Variants in POLR1A observed in about 807,000 individuals in gnomAD.
The protein encoded by POLR1A is DNA-directed RNA polymerase I subunit RPA1.
POLR1A carries 84 observed loss-of-function variants against 205.3 expected under a neutral mutation model. The observed-to-expected ratio is 0.41, with a 90% CI of 0.34 to 0.49. The LOEUF (loss-of-function observed/expected upper bound fraction) is 0.49, where lower values mean the gene tolerates loss of function less well. POLR1A is among the 20% of genes least tolerant of loss of function. The pLI, the probability that POLR1A is intolerant of heterozygous loss-of-function variation, is 0.22. For synonymous variants in POLR1A, 799 were observed against 863.7 expected (o/e 0.93, Z 1.31); for missense variants, 1,645 against 2,204.5 (o/e 0.75, Z 5.08).
intron 6 of POLR1A, among the ~76,000 whole-genome samples, chr2:86,087,144 C>T (rs1012600929): frequency 3.3e-5 from 5 of 152,168 alleles, no homozygotes; most frequent in African/African-American, 9.7e-5. Flanking sequence ...CTATGTTATA[C>T]AGTAGGGCAA....
intron 14 of POLR1A, 68 bp from the exon 15 acceptor site, chr2:86,054,357 G>A: frequency 6.5e-7 from 1 of 1,542,852 alleles, no homozygotes; most frequent in Non-Finnish European, 8.9e-7. Context: ...ACAAACTGAT[G>A]GCAAAAAGAA....
chr2:86,045,178 C>T (rs953883652), intron 21 of POLR1A, 100 bp downstream of exon 21: 111 of 811,476 alleles, frequency 1.4e-4, no homozygotes, highest in Non-Finnish European at 2.1e-4. Flanking sequence ...AAAGTTTTTT[C>T]ATCCAAGGAA....
At chr2:86,065,587 C>T (rs554777096) in intron 13 of POLR1A, 122 bp from the exon 14 acceptor site, 3 of 768,832 alleles carry the variant, frequency 3.9e-6, no homozygotes, top group South Asian at 3.6e-5. Flanking sequence ...CCTGTCTTGT[C>T]TTGCCCACAT....
chr2:86,024,716 C>T lies in POLR1A; in HGVS notation c.*2707G>A, dbSNP rs1226887028. On this transcript the variant is annotated 3_prime_UTR_variant, in exon 34 of 34. Transcript: ENST00000263857. ...ACCAGCCTGAGCAATAAACCAAAAC[C>T]CGTCTCTACAAAACAAATAAAAAAA... 2.0e-5 allele frequency: 3 copies of T among 152,162 alleles called. No individual in the cohort carries two copies. The highest frequency in any genetic ancestry group is 4.8e-5 in the African/African-American group (2 of 41,424). 9.4% of individuals were successfully genotyped at this position (152,162 alleles called of 1,614,324 possible).
At position 86,100,170 on chromosome 2, in the gene POLR1A, T is replaced by C; in HGVS notation, c.80A>G (p.Lys27Arg). 1 of 1,612,290 alleles carries C rather than the reference T, an allele frequency of 6.2e-7. No individual in the cohort carries two copies. Among genetic ancestry groups the C allele is most frequent in the Non-Finnish European group, 8.5e-7 (1 of 1,178,302 alleles). Residue 27 changes from lysine (K) to arginine (R), a missense_variant and splice_region_variant, in exon 2 of 34, where the codon AAA becomes AGA. Lys to Arg is a conservative substitution (Grantham distance 26). Transcript: ENST00000263857. ...GTTCGTAATGGATTTAACACTTAAT[T>C]TCCTAAGGGGATAAAAAAGACCAAG... Reference protein sequence around the residue: ...FGMYSAEELKKLSVKSITNPR... With the variant: ...FGMYSAEELKRLSVKSITNPR...
intron 21 of POLR1A, 29 bp downstream of exon 21, chr2:86,045,249 C>T (rs1219373945): frequency 3.4e-6 from 5 of 1,477,650 alleles, no homozygotes; most frequent in Admixed American, 1.7e-5. Context: ...TGGCACTCTA[C>T]CTCAAGGGGC....
chr2:86,079,007 G>A (rs1460784024), intron 9 of POLR1A, among the ~76,000 whole-genome samples: 1 of 152,206 alleles, frequency 6.6e-6, no homozygotes, highest in Non-Finnish European at 1.5e-5. Flanking sequence ...CCAATCGACT[G>A]GGTATGACAC....
chr2:86,086,025 C>T (rs1673498148), intron 6 of POLR1A, among the ~76,000 whole-genome samples: 1 of 152,068 alleles, frequency 6.6e-6, no homozygotes, highest in East Asian at 1.9e-4. Flanking sequence ...TGTGGGATCA[C>T]CAGTCCATGG....
chr2:86,085,108 T>C (rs1302957849), intron 6 of POLR1A, among the ~76,000 whole-genome samples: 1 of 152,192 alleles, frequency 6.6e-6, no homozygotes, highest in South Asian at 2.1e-4. Context: ...ACTACAGGCA[T>C]CCACCACCAC....
At position 86,075,096 on chromosome 2, in the gene POLR1A, T is replaced by C; in HGVS notation, c.1545A>G (p.Arg515=). ...TALSAVDMTQ[R]EAVAKQLLTP... ...TCAGAAGCTGCTTGGCCACGGCCTC[T>C]CGCTGGGTCATGTCCACAGCGCTCA... The change falls in exon 12 of 34, where the codon CGA becomes CGG. Residue 515 remains arginine (R), a synonymous_variant. Coordinates refer to ENST00000263857, the MANE Select transcript of POLR1A (RefSeq NM_015425.6). The C allele has an allele frequency of 6.2e-7, 1 of 1,612,916 alleles. No homozygotes were observed. Among genetic ancestry groups the C allele is most frequent in the Non-Finnish European group, 8.5e-7 (1 of 1,179,924 alleles).
chr2:86,075,274 A>G lies in POLR1A; in HGVS notation c.1381-14T>C, dbSNP rs1425436623. 6.4e-7 allele frequency: 1 copy of G among 1,562,294 alleles called. No homozygotes were observed. The highest frequency in any genetic ancestry group is 1.1e-5 in the South Asian group (1 of 87,618). ...TGTGGCAAACACCTGGAAATGAGGA[A>G]TGGAGGTAGAAATTCAGGGCAGGGA... On this transcript the variant is annotated splice_polypyrimidine_tract_variant and intron_variant, in intron 11 of 33. Transcript: ENST00000263857.
chr2:86,044,382 T>C (rs750789964), intron 21 of POLR1A, 78 bp from the exon 22 acceptor site: 1 of 1,511,972 alleles, frequency 6.6e-7, no homozygotes, highest in Non-Finnish European at 9.1e-7. Flanking sequence ...TTGGGGGCAG[T>C]GGAGGGGAGG....
chr2:86,040,084 G>T (rs1672573349), intron 25 of POLR1A: 1 of 265,680 alleles, frequency 3.8e-6, no homozygotes, highest in East Asian at 7.0e-5. Flanking sequence ...CCTTGTGTGG[G>T]GCTTGTTAAC....
chr2:86,104,926 G>C (rs534635598), intron 1 of POLR1A, among the ~76,000 whole-genome samples: 1 of 152,322 alleles, frequency 6.6e-6, no homozygotes, highest in African/African-American at 2.4e-5. Context: ...TGGTGAGATT[G>C]TCTAGGGACA....
chr2:86,087,619 T>C, intron 6 of POLR1A, among the ~76,000 whole-genome samples: 1 of 152,228 alleles, frequency 6.6e-6, no homozygotes, highest in Non-Finnish European at 1.5e-5. Context: ...CTCAGCTCAC[T>C]GCAGAGTGCG....
chr2:86,056,742 C>T (rs1193917353), intron 14 of POLR1A, among the ~76,000 whole-genome samples: 1 of 152,100 alleles, frequency 6.6e-6, no homozygotes, highest in African/African-American at 2.4e-5. Flanking sequence ...TATGCTAAAT[C>T]GACTCTGCCT....
At chr2:86,054,874 T>C (rs1480819081) in intron 14 of POLR1A, among the ~76,000 whole-genome samples, 2 of 152,206 alleles carry the variant, frequency 1.3e-5, no homozygotes, top group East Asian at 3.9e-4. Flanking sequence ...CGAATGCAGG[T>C]GCACACATTC....
At chr2:86,057,949 A>G (rs1558771922) in intron 14 of POLR1A, among the ~76,000 whole-genome samples, 1 of 152,170 alleles carries the variant, frequency 6.6e-6, no homozygotes, top group South Asian at 2.1e-4. Flanking sequence ...TTAAAAAAAA[A>G]AGAGAGACAG....
intron 28 of POLR1A, among the ~76,000 whole-genome samples, chr2:86,032,604 A>G (rs768220497): frequency 6.6e-6 from 1 of 152,018 alleles, no homozygotes; most frequent in African/African-American, 2.4e-5. Context: ...TTCAGTCTTC[A>G]TCTTTACATG....
Sources: gnomAD v4.1 joint callset for allele counts (sites outside exome capture counted in the v4.1 genomes callset) on GRCh38, gnomAD v4.1.1 for gene constraint, MANE v1.5 for transcripts, NCBI Gene and HGNC (gene_info 2026-07-23, HGNC 2026-07-21) for gene names.